The following CGAS variants were observed in gnomAD, a reference collection of about 807,000 sequenced individuals.
The protein encoded by CGAS is cyclic GMP-AMP synthase.
A neutral mutation model predicts 34.0 loss-of-function variants in CGAS; 31 were observed. That is an observed-to-expected ratio of 0.91 (90% CI 0.69 to 1.23). The LOEUF (loss-of-function observed/expected upper bound fraction) is 1.23, where lower values mean the gene tolerates loss of function less well. Ranked by LOEUF, CGAS falls within the 50% of genes most tolerant of loss-of-function variation. CGAS has a pLI of 0.00. For synonymous variants in CGAS, 266 were observed against 260.0 expected (o/e 1.02, Z -0.22); for missense variants, 597 against 657.6 (o/e 0.91, Z 1.01).
At chr6:73,428,465 ACACATTCATC>A (rs1770127651) in intron 4 of CGAS, among the ~76,000 whole-genome samples, 1 of 152,036 alleles carries the variant, frequency 6.6e-6, no homozygotes, top group Non-Finnish European at 1.5e-5. Context: ...CTATACAAAA[ACACATTCATC>A]TGATCCAGGG....
rs1278146060 is a variant in CGAS, at chr6:73,429,896, G to A, written c.1115-1085C>T. Among the ~76,000 whole-genome samples, 4 of 151,850 alleles carry A rather than the reference G, an allele frequency of 2.6e-5. No homozygotes were observed. In the South Asian group the frequency reaches 6.2e-4, roughly 24 times the overall value. ...TATGCTCTGACCACCCTGTTACTTC[G>A]TGGTTTTATACTAGCAAAGTATAAG... is the stretch of plus-strand genomic sequence containing the variant. On this transcript the variant is annotated intron_variant, in intron 3 of 4. Transcript: ENST00000370315.
In CGAS at chr6:73,440,309, C is replaced by T; in HGVS notation, c.1014G>A (p.Leu338=). The T allele has an allele frequency of 6.2e-7, 1 of 1,614,184 alleles. No individual in the cohort carries two copies. The highest frequency in any genetic ancestry group is 1.1e-5 in the South Asian group (1 of 91,084). The part of the protein sequence containing the change: ...SSWPASTQEG[L]RIQNWLSAKV... ...TTGCTGAAAGCCAGTTTTGAATGCG[C>T]AGGCCTTCTTGGGTGCTAGCAGGCC... Residue 338 remains leucine (L), a synonymous_variant, in exon 3 of 5, where the codon CTG becomes CTA. Coordinates refer to ENST00000370315, the MANE Select transcript of CGAS (RefSeq NM_138441.3).
chr6:73,435,810 T>C (rs1385976231), intron 3 of CGAS, among the ~76,000 whole-genome samples: 1 of 151,496 alleles, frequency 6.6e-6, no homozygotes, highest in East Asian at 1.9e-4. Flanking sequence ...GTACCTTTTA[T>C]TTAAAAAGGG....
Position 73,426,952 on chromosome 6 carries a change from G to A in CGAS, c.1218-1374C>T, listed in dbSNP as rs147190942. On this transcript the variant is annotated intron_variant, in intron 4 of 4. Transcript: ENST00000370315. ...CGCAACCTCTGCCTACTGGGTTCAAGCGATTCTCCTGCCTCAACCTCCTAA... is the reference window on the plus strand; with the variant it reads ...CGCAACCTCTGCCTACTGGGTTCAAACGATTCTCCTGCCTCAACCTCCTAA... 6.6e-3 allele frequency among the ~76,000 whole-genome samples: 995 copies of A among 151,446 alleles called. 13 individuals carry two copies. The highest frequency in any genetic ancestry group is 0.023 in the African/African-American group (947 of 41,258).
rs187272184 is a variant in CGAS, at chr6:73,446,902, G to A, written c.658-1155C>T. On this transcript the variant is annotated intron_variant, in intron 1 of 4. Transcript: ENST00000370315. ...GGAACTTCGTCTCTATTAAAAATATGAAAATTAGCTAGGTGTGGTGGCATG... is the reference window on the plus strand; with the variant it reads ...GGAACTTCGTCTCTATTAAAAATATAAAAATTAGCTAGGTGTGGTGGCATG... Among the ~76,000 whole-genome samples, 840 of 151,698 alleles carry A rather than the reference G, an allele frequency of 5.5e-3. 10 individuals are homozygous for A. The highest frequency in any genetic ancestry group is 0.019 in the African/African-American group (795 of 41,408).
Position 73,451,674 on chromosome 6 carries a change from C to G in CGAS, c.508G>C (p.Glu170Gln). 1 of 1,614,036 alleles carries G rather than the reference C, an allele frequency of 6.2e-7. No homozygotes were observed. Among genetic ancestry groups the G allele is most frequent in the Non-Finnish European group, 8.5e-7 (1 of 1,180,018 alleles). The stretch of plus-strand genomic sequence containing the variant: ...TCATCGCGGCTGAGCTTCAACTTCT[C>G]CAAAACCGCCCGGAGCTTCGAGGCC... ...PGASKLRAVL[E>Q]KLKLSRDDIS... The change falls in exon 1 of 5, where the codon GAG becomes CAG. Residue 170 changes from glutamate (E) to glutamine (Q), a missense_variant. By Grantham distance (29) the Glu-to-Gln change is conservative (BLOSUM62 2). Around this residue, in one of 3 missense-constraint regions of CGAS, gnomAD observed 321 missense variants for 314.3 expected, o/e 1.02. Coordinates refer to ENST00000370315, the MANE Select transcript of CGAS (RefSeq NM_138441.3).
At chr6:73,428,858 C>T (rs1770135064) in intron 3 of CGAS, 47 bp from the exon 4 acceptor site, 1 of 1,482,238 alleles carries the variant, frequency 6.7e-7, no homozygotes, top group East Asian at 2.3e-5. Context: ...CCAAAGCATC[C>T]ATATCTAAAC....
chr6:73,451,347 A>G (rs765789647), intron 1 of CGAS, among the ~76,000 whole-genome samples, 178 bp downstream of exon 1: 8 of 152,166 alleles, frequency 5.3e-5, no homozygotes, highest in Non-Finnish European at 1.2e-4. Flanking sequence ...TGATCGTTGG[A>G]TGTGTAGATG....
intron 4 of CGAS, among the ~76,000 whole-genome samples, chr6:73,426,292 A>C (rs926102578): frequency 6.8e-6 from 1 of 147,838 alleles, no homozygotes; most frequent in Non-Finnish European, 1.5e-5. Context: ...AAAATAAAAT[A>C]AAATAAAATA....
intron 4 of CGAS, among the ~76,000 whole-genome samples, chr6:73,427,919 T>G (rs1054304652): frequency 1.3e-5 from 2 of 151,858 alleles, no homozygotes; most frequent in Non-Finnish European, 2.9e-5. Context: ...CTCGAGCCAT[T>G]CTCCTACCTC....
intron 4 of CGAS, among the ~76,000 whole-genome samples, chr6:73,426,623 C>G (rs114933995): frequency 1.7e-4 from 26 of 151,502 alleles, no homozygotes; most frequent in African/African-American, 5.3e-4. Flanking sequence ...CCTCACCCCC[C>G]TCAAGCGATC....
chr6:73,436,886 C>G (rs1485963088), intron 3 of CGAS, among the ~76,000 whole-genome samples: 1 of 152,188 alleles, frequency 6.6e-6, no homozygotes, highest in Non-Finnish European at 1.5e-5. Context: ...CACGGTGGCT[C>G]ACGCCTGTAA....
At chr6:73,443,009 G>A (rs1770409521) in intron 2 of CGAS, among the ~76,000 whole-genome samples, 2 of 151,800 alleles carry the variant, frequency 1.3e-5, no homozygotes, top group Non-Finnish European at 1.5e-5. Context: ...AGACACCACA[G>A]TTAGCCCAGA....
intron 1 of CGAS, among the ~76,000 whole-genome samples, chr6:73,447,947 C>T (rs562008877): frequency 6.6e-6 from 1 of 152,302 alleles, no homozygotes; most frequent in Admixed American, 6.5e-5. Context: ...TTTTTCCCAT[C>T]TTATGCCTTT....
At chr6:73,427,662 T>C (rs943697300) in intron 4 of CGAS, among the ~76,000 whole-genome samples, 7 of 152,078 alleles carry the variant, frequency 4.6e-5, no homozygotes, top group African/African-American at 1.7e-4. Flanking sequence ...TTCTTTATGG[T>C]GTGTATGCCA....
At chr6:73,438,698 A>AG (rs1770323786) in intron 3 of CGAS, among the ~76,000 whole-genome samples, 1 of 150,960 alleles carries the variant, frequency 6.6e-6, no homozygotes, top group South Asian at 2.1e-4. Flanking sequence ...CCGTCTCAAA[A>AG]AAAAAAAAAA....
chr6:73,431,690 A>G (rs1185410822), intron 3 of CGAS, among the ~76,000 whole-genome samples: 1 of 152,250 alleles, frequency 6.6e-6, no homozygotes, highest in Non-Finnish European at 1.5e-5. Context: ...GAGATTTAAC[A>G]GACATATTGG....
chr6:73,436,389 C>T (rs1770279842), intron 3 of CGAS, among the ~76,000 whole-genome samples: 1 of 148,500 alleles, frequency 6.7e-6, no homozygotes, highest in Admixed American at 6.8e-5. Flanking sequence ...AATATATTTA[C>T]ATAAGTATTT....
At chr6:73,434,296 C>T (rs866631081) in intron 3 of CGAS, among the ~76,000 whole-genome samples, 6 of 152,260 alleles carry the variant, frequency 3.9e-5, no homozygotes, top group South Asian at 2.1e-4. Context: ...CTGTGGACTT[C>T]GGTGTCTGCA....
Sources: gnomAD v4.1 joint callset for allele counts (sites outside exome capture counted in the v4.1 genomes callset) on GRCh38, gnomAD v4.1.1 for gene constraint, gnomAD v4.1.1 regional missense constraint, MANE v1.5 for transcripts, NCBI Gene and HGNC (gene_info 2026-07-23, HGNC 2026-07-21) for gene names.